Variants in MYO18B observed in about 807,000 individuals in gnomAD.
MYO18B encodes myosin XVIIIB.
A neutral mutation model predicts 273.0 loss-of-function variants in MYO18B; 204 were observed. That is an observed-to-expected ratio of 0.75 (90% CI 0.67 to 0.84). The LOEUF is 0.84. MYO18B is among the 40% of genes least tolerant of loss of function. MYO18B has a pLI of 0.00. For synonymous variants in MYO18B, 1,330 were observed against 1,305.7 expected, an observed-to-expected ratio of 1.02 and a Z score of -0.40; for missense variants, 3,212 against 3,287.6, an observed-to-expected ratio of 0.98 and a Z score of 0.56.
intron 1 of MYO18B, among the ~76,000 whole-genome samples, chr22:25,752,227 G>C (rs188941706): frequency 1.4e-5 from 2 of 141,954 alleles, no homozygotes; most frequent in African/African-American, 2.6e-5. Context: ...TCGCTCTGTC[G>C]CCCAGGCTGG....
At chr22:25,911,404 C>T (rs1411121962) in intron 33 of MYO18B, among the ~76,000 whole-genome samples, 1 of 152,224 alleles carries the variant, frequency 6.6e-6, no homozygotes, top group Non-Finnish European at 1.5e-5. Flanking sequence ...TTGCTAGAAG[C>T]AGTCAGCCTT....
intron 40 of MYO18B, among the ~76,000 whole-genome samples, chr22:26,000,199 C>G (rs1413903744): frequency 1.3e-5 from 2 of 152,208 alleles, no homozygotes; most frequent in Non-Finnish European, 2.9e-5. Context: ...CCCAGAGACA[C>G]TTTCTTCACA....
chr22:25,923,785 TC>T (rs2092382373), intron 34 of MYO18B, among the ~76,000 whole-genome samples: 1 of 152,144 alleles, frequency 6.6e-6, no homozygotes, highest in Admixed American at 6.5e-5. Flanking sequence ...CATCAAAATG[TC>T]CCCAGTGCCA....
chr22:25,859,574 G>T (rs1320784015), intron 21 of MYO18B, among the ~76,000 whole-genome samples: 1 of 151,626 alleles, frequency 6.6e-6, no homozygotes. Flanking sequence ...CCATTCTGTT[G>T]TGTGCAAAGC....
chr22:25,837,071 C>T (rs889630359), intron 17 of MYO18B, among the ~76,000 whole-genome samples: 9 of 151,866 alleles, frequency 5.9e-5, no homozygotes, highest in Non-Finnish European at 1.2e-4. Flanking sequence ...GATATGTGCT[C>T]GCATTCATTC....
At chr22:26,034,910 CG>C (rs1451182297), downstream of MYO18B, among the ~76,000 whole-genome samples, 2 of 152,208 alleles carry the variant, frequency 1.3e-5, no homozygotes, top group Admixed American at 6.5e-5. Context: ...GTCCTGAGCA[CG>C]GTTGCAGGCA....
chr22:25,910,132 G>T (rs180907984), intron 32 of MYO18B, among the ~76,000 whole-genome samples: 1 of 152,134 alleles, frequency 6.6e-6, no homozygotes, highest in Non-Finnish European at 1.5e-5. Context: ...TAAATGAGTC[G>T]CTCATAGTCA....
intron 15 of MYO18B, among the ~76,000 whole-genome samples, chr22:25,832,290 C>T (rs988009293): frequency 4.6e-5 from 7 of 152,068 alleles, no homozygotes; most frequent in South Asian, 4.2e-4. Context: ...GGGACTCAAA[C>T]GGGTATTTGT....
At chr22:25,948,523 T>TTCCTTCCTTCCTTCCTTCCTTCCTTC (rs1569225706) in intron 36 of MYO18B, among the ~76,000 whole-genome samples, 365 of 8,848 alleles carry the variant, frequency 0.041, 5 homozygotes, top group Non-Finnish European at 0.099. Flanking sequence ...TTTCCTTCTT[T>TTCCTTCCTTCCTTCCTTCCTTCCTTC]CTTTCTTCCT....
intron 39 of MYO18B, among the ~76,000 whole-genome samples, chr22:25,960,589 C>T (rs1011865014): frequency 1.4e-4 from 21 of 152,198 alleles, no homozygotes; most frequent in African/African-American, 4.8e-4. Context: ...CACCTGGTGA[C>T]CTGAGTTAGA....
intron 21 of MYO18B, among the ~76,000 whole-genome samples, chr22:25,853,620 G>A (rs1422725182): frequency 1.3e-5 from 2 of 152,166 alleles, no homozygotes; most frequent in African/African-American, 4.8e-5. Context: ...AGGGTCTTGG[G>A]CTCCTCTGTG....
At chr22:25,788,832 G>A (rs761356100) in intron 11 of MYO18B, among the ~76,000 whole-genome samples, 1 of 152,162 alleles carries the variant, frequency 6.6e-6, no homozygotes, top group East Asian at 1.9e-4. Context: ...GGAGTCTGAC[G>A]TAGTGATGTT....
intron 2 of MYO18B, 96 bp from the exon 3 acceptor site, chr22:25,763,135 C>T: frequency 4.1e-6 from 6 of 1,451,392 alleles, no homozygotes; most frequent in Non-Finnish European, 5.8e-6. Context: ...TATGTCTCCT[C>T]CGCCCCCTCC....
chr22:25,839,533 G>A (rs2090020957), intron 17 of MYO18B, among the ~76,000 whole-genome samples: 2 of 152,154 alleles, frequency 1.3e-5, no homozygotes, highest in Non-Finnish European at 2.9e-5. Flanking sequence ...AGGCCTGTGG[G>A]CTTTACTGCA....
intron 37 of MYO18B, among the ~76,000 whole-genome samples, chr22:25,951,559 A>G (rs765640681): frequency 6.6e-6 from 1 of 152,240 alleles, no homozygotes; most frequent in Non-Finnish European, 1.5e-5. Context: ...AGACAGGATC[A>G]CGATCCTCTG....
chr22:26,029,462 A>C (rs56064433), intron 43 of MYO18B, among the ~76,000 whole-genome samples: 9,867 of 152,162 alleles, frequency 0.065, 390 homozygotes, highest in Middle Eastern at 0.15. Flanking sequence ...TAAAGATCTG[A>C]TATTCATTTA....
At chr22:25,804,279 C>A (rs1225692805) in intron 12 of MYO18B, among the ~76,000 whole-genome samples, 1 of 152,206 alleles carries the variant, frequency 6.6e-6, no homozygotes, top group Admixed American at 6.5e-5. Context: ...TGTCCCCATG[C>A]CTGCCCAGGT....
chr22:25,860,251 A>G (rs1360911783), intron 21 of MYO18B, among the ~76,000 whole-genome samples: 1 of 152,218 alleles, frequency 6.6e-6, no homozygotes, highest in African/African-American at 2.4e-5. Context: ...GTCAGTGTAA[A>G]TAAACTTCAT....
intron 34 of MYO18B, 34 bp downstream of exon 34, chr22:25,921,443 T>C: frequency 6.3e-7 from 1 of 1,585,506 alleles, no homozygotes; most frequent in Non-Finnish European, 8.6e-7. Context: ...AGAATCAGGC[T>C]GGGGAGGATG....
Sources: gnomAD v4.1 joint callset for allele counts (sites outside exome capture counted in the v4.1 genomes callset) on GRCh38, gnomAD v4.1.1 for gene constraint, MANE v1.5 for transcripts, NCBI Gene and HGNC (gene_info 2026-07-23, HGNC 2026-07-21) for gene names.